NOTCH2: variants seen among roughly 807,000 people sequenced by gnomAD.
The protein encoded by NOTCH2 is notch receptor 2.
A neutral mutation model predicts 235.8 loss-of-function variants in NOTCH2; 29 were observed. That is an observed-to-expected ratio of 0.12 (90% confidence interval 0.09 to 0.17). NOTCH2 has a LOEUF of 0.17. NOTCH2 is among the 10% of genes least tolerant of loss of function. The pLI is 1.00. For synonymous variants in NOTCH2, 1,086 were observed against 1,141.5 expected, an observed-to-expected ratio of 0.95 and a Z score of 0.98; for missense variants, 2,285 against 3,150.2, an observed-to-expected ratio of 0.73 and a Z score of 6.57.
intron 11 of NOTCH2, 72 bp downstream of exon 11, chr1:119,963,502 C>A: frequency 7.4e-7 from 1 of 1,343,984 alleles, no homozygotes; most frequent in Non-Finnish European, 1.1e-6. Flanking sequence ...TGCCAACAGT[C>A]TGAAACATCT....
chr1:119,988,138 G>A (rs2101187538), intron 4 of NOTCH2, among the ~76,000 whole-genome samples: 1 of 152,242 alleles, frequency 6.6e-6, no homozygotes, highest in East Asian at 1.9e-4. Flanking sequence ...TGGTGATACA[G>A]CAGTGAGTCC....
At chr1:119,940,382 C>A (rs587709719) in intron 19 of NOTCH2, among the ~76,000 whole-genome samples, 173 bp downstream of exon 19, 1 of 152,144 alleles carries the variant, frequency 6.6e-6, no homozygotes, top group Non-Finnish European at 1.5e-5. Flanking sequence ...TATCATATTG[C>A]CAGCACCATT....
At chr1:119,980,523 C>T (rs1320187584) in intron 5 of NOTCH2, among the ~76,000 whole-genome samples, 3 of 152,172 alleles carry the variant, frequency 2.0e-5, no homozygotes, top group Non-Finnish European at 4.4e-5. Context: ...TTCCTTCTCC[C>T]CAAAGCCTAC....
intron 14 of NOTCH2, among the ~76,000 whole-genome samples, chr1:119,953,033 T>C (rs1650541142): frequency 6.6e-6 from 1 of 152,208 alleles, no homozygotes; most frequent in South Asian, 2.1e-4. Flanking sequence ...CATTTCAGGC[T>C]GGGTGCGGTG....
rs587609158 is a variant in NOTCH2 at position 119,988,561 on chromosome 1, G to A, written c.752-1479C>T. Among the ~76,000 whole-genome samples the A allele has an allele frequency of 3.3e-5, 5 of 152,226 alleles. No individual in the cohort carries two copies. In the South Asian group the frequency reaches 1.0e-3, roughly 32 times the overall value. ...ATAGACCAATGAGCCAGAAAATGAT[G>A]AGCCATTGAAGCCCACCCCTACAGA... On this transcript the variant is annotated intron_variant, in intron 4 of 33. Coordinates refer to ENST00000256646, the MANE Select transcript of NOTCH2 (RefSeq NM_024408.4).
intron 5 of NOTCH2, among the ~76,000 whole-genome samples, chr1:119,984,379 T>C (rs782552868): frequency 1.3e-5 from 2 of 152,206 alleles, no homozygotes; most frequent in Non-Finnish European, 2.9e-5. Context: ...GCAAATTATT[T>C]AACCCTTTTG....
chr1:120,037,911 A>G (rs1553212149), intron 1 of NOTCH2, among the ~76,000 whole-genome samples: 2 of 152,134 alleles, frequency 1.3e-5, no homozygotes, highest in Non-Finnish European at 2.9e-5. Context: ...ATAACAACTT[A>G]TAAATGAATA....
intron 33 of NOTCH2, 49 bp downstream of exon 33, chr1:119,917,616 C>T: frequency 8.5e-7 from 1 of 1,176,940 alleles, no homozygotes; most frequent in Non-Finnish European, 1.3e-6. Context: ...GGGCTTATAA[C>T]TGAGGCACTG....
chr1:119,916,654 T>C lies in NOTCH2; in HGVS notation c.6068A>G (p.Tyr2023Cys), dbSNP rs761872871. 6.8e-6 allele frequency: 11 copies of C among 1,614,210 alleles called. No individual in the cohort carries two copies. The highest frequency in any genetic ancestry group is 2.2e-5 in the South Asian group (2 of 91,082). ...PLFLAAREGS[Y>C]EAAKILLDHF... ...GTCTAACAGGATCTTGGCTGCTTCA[T>C]AGCTCCCCTCCCGGGCAGCAAGAAA... The change falls in exon 34 of 34, where the codon TAT (tyrosine) becomes TGT (cysteine). Residue 2023 changes from tyrosine to cysteine, a missense_variant. Around this residue, in one of 6 missense-constraint regions of NOTCH2, gnomAD observed 128 missense variants for 255.9 expected, o/e 0.50. Coordinates refer to ENST00000256646, the MANE Select transcript of NOTCH2 (RefSeq NM_024408.4).
chr1:119,981,906 T>G (rs1651828158), intron 5 of NOTCH2, among the ~76,000 whole-genome samples: 1 of 151,798 alleles, frequency 6.6e-6, no homozygotes, highest in African/African-American at 2.4e-5. Flanking sequence ...TTAAGTAGTA[T>G]TCTCTCTCAA....
At position 119,916,667 on chromosome 1, in the gene NOTCH2, G is replaced by A. The variant is rs1430961661; in HGVS notation, c.6055C>T (p.Arg2019Trp). 8 of 1,614,014 alleles carry A rather than the reference G, an allele frequency of 5.0e-6. No homozygotes were observed. The highest frequency in any genetic ancestry group is 2.2e-5 in the South Asian group (2 of 91,040). ...KEETPLFLAA[R>W]EGSYEAAKIL... ...TTGGCTGCTTCATAGCTCCCCTCCC[G>A]GGCAGCAAGAAACAGAGGTGTCTCT... Residue 2019 changes from arginine (R) to tryptophan (W), a missense_variant, in exon 34 of 34, where the codon CGG becomes TGG. By Grantham distance (101) the Arg-to-Trp change is moderately radical. Coordinates refer to ENST00000256646, the MANE Select transcript of NOTCH2 (RefSeq NM_024408.4).
rs146498360 is a variant in NOTCH2, at chr1:119,997,038, C to T, written c.710G>A (p.Arg237Gln). Residue 237 changes from arginine (R) to glutamine (Q), a missense_variant, in exon 4 of 34, where the codon CGG becomes CAG. By Grantham distance (43) the Arg-to-Gln change is conservative (BLOSUM62 1). This residue lies in a region of NOTCH2 where 431 missense variants were observed against 757.8 expected (regional missense o/e 0.57). Coordinates refer to ENST00000256646, the MANE Select transcript of NOTCH2 (RefSeq NM_024408.4). ...CTCAAAAGTGAAGTCACCAGTCTGC[C>T]GACAGGTGCCTCCATTGACACAAGG... ...PSPCVNGGTC[R>Q]QTGDFTFECN... The T allele has an allele frequency of 8.2e-5, 133 of 1,613,994 alleles. No homozygotes were observed. In the East Asian group the frequency reaches 1.7e-3, roughly 21 times the overall value.
At chr1:120,015,227 T>G (rs1372127036) in intron 2 of NOTCH2, among the ~76,000 whole-genome samples, 19 of 152,180 alleles carry the variant, frequency 1.2e-4, no homozygotes, top group Non-Finnish European at 1.5e-5. Flanking sequence ...TCCTCTTTAC[T>G]CCCTCTGGGC....
rs1648928402 is a variant in NOTCH2 at position 119,912,539 on chromosome 1, C to T, written c.*2767G>A. ...TCATACCTTTCCCTTCCCCACCTCA[C>T]ATAAGAAAATGATGCTTAAAACAAA... On this transcript the variant is annotated 3_prime_UTR_variant, in exon 34 of 34. Coordinates refer to ENST00000256646, the MANE Select transcript of NOTCH2 (RefSeq NM_024408.4). The T allele has an allele frequency of 4.3e-6, 1 of 232,894 alleles. No individual in the cohort carries two copies. Among genetic ancestry groups the T allele is most frequent in the South Asian group, 1.8e-4 (1 of 5,522 alleles). 14.4% of individuals were successfully genotyped at this position (232,894 alleles called of 1,614,324 possible). A position where few individuals can be genotyped will look rare whatever the true frequency, so the allele number is the denominator to read the frequency against.
intron 2 of NOTCH2, among the ~76,000 whole-genome samples, chr1:120,018,431 C>T (rs2641334): frequency 1.8e-4 from 9 of 48,676 alleles, no homozygotes; most frequent in African/African-American, 7.6e-4. Context: ...TGTAATGATG[C>T]TTGCTGATGT....
At chr1:120,043,650 AT>A (rs1437554977) in intron 1 of NOTCH2, among the ~76,000 whole-genome samples, 2 of 150,800 alleles carry the variant, frequency 1.3e-5, no homozygotes, top group East Asian at 3.9e-4. Context: ...TGACCTGCTT[AT>A]TAAAACAAAA....
chr1:119,945,772 GA>G (rs1299311469), intron 17 of NOTCH2, among the ~76,000 whole-genome samples: 3 of 151,958 alleles, frequency 2.0e-5, no homozygotes, highest in African/African-American at 4.8e-5. Flanking sequence ...GATAGTAAAA[GA>G]TTTCAATACT....
At chr1:120,034,704 TG>T (rs1654238684) in intron 1 of NOTCH2, among the ~76,000 whole-genome samples, 1 of 147,950 alleles carries the variant, frequency 6.8e-6, no homozygotes. Flanking sequence ...TCATGAAGGC[TG>T]GGGGTGCAGG....
intron 2 of NOTCH2, among the ~76,000 whole-genome samples, chr1:120,009,313 G>A (rs1653095619): frequency 6.6e-6 from 1 of 150,518 alleles, no homozygotes; most frequent in African/African-American, 2.5e-5. Context: ...CTCTCCTAAA[G>A]CCCATGTACA....
Sources: allele counts gnomAD v4.1 joint callset (sites outside exome capture counted in the v4.1 genomes callset), GRCh38; gene constraint gnomAD v4.1.1; regional missense constraint gnomAD v4.1.1; transcripts MANE v1.5; gene names NCBI Gene and HGNC (gene_info 2026-07-23, HGNC 2026-07-21).